Variants in WDR59 observed in about 807,000 individuals in gnomAD.
WDR59 encodes WD repeat domain 59, also known as GATOR2 complex protein WDR59.
Under a neutral mutation model 131.2 loss-of-function variants are expected in WDR59, and 100 were observed. That is an observed-to-expected ratio of 0.76 (90% CI 0.65 to 0.90). The LOEUF (loss-of-function observed/expected upper bound fraction) is 0.90. Ranked by LOEUF, WDR59 falls within the 40% of genes least tolerant of loss-of-function variation. The pLI is 0.00. For missense variants in WDR59, 1,203 were observed against 1,262.2 expected (o/e 0.95, Z 0.71); for synonymous variants, 601 against 466.2 (o/e 1.29, Z -3.72).
chr16:74,976,082 C>A (rs1161071820), intron 1 of WDR59, among the ~76,000 whole-genome samples: 1 of 152,150 alleles, frequency 6.6e-6, no homozygotes, highest in African/African-American at 2.4e-5. Context: ...TCCTATTCTG[C>A]CCCTCCATCT....
At chr16:74,946,250 CAT>C (rs1034974580) in intron 6 of WDR59, among the ~76,000 whole-genome samples, 21 of 152,108 alleles carry the variant, frequency 1.4e-4, no homozygotes, top group African/African-American at 4.3e-4. Context: ...AGAAAAGAAA[CAT>C]AGTATATTTG....
intron 1 of WDR59, among the ~76,000 whole-genome samples, chr16:74,982,917 G>T (rs531027484): frequency 1.3e-5 from 2 of 152,320 alleles, no homozygotes; most frequent in South Asian, 2.1e-4. Flanking sequence ...TACTTATCCA[G>T]ATCTCCCTCA....
In WDR59 at chr16:74,896,819, G is replaced by C. The variant is rs563791310; in HGVS notation, c.1867-3007C>G. On this transcript the variant is annotated intron_variant, in intron 18 of 25. Coordinates refer to ENST00000262144, the MANE Select transcript of WDR59 (RefSeq NM_030581.4). ...CTGAGGACTTACAGTATCAGCTCCTGCTCCTGGATTGCTCATTCTGTGCTA... is the reference window on the plus strand; with the variant it reads ...CTGAGGACTTACAGTATCAGCTCCTCCTCCTGGATTGCTCATTCTGTGCTA... Among the ~76,000 whole-genome samples, 3 of 152,206 alleles carry C rather than the reference G, an allele frequency of 2.0e-5. No individual in the cohort carries two copies. In the South Asian group the frequency reaches 6.2e-4, roughly 32 times the overall value.
intron 1 of WDR59, among the ~76,000 whole-genome samples, chr16:74,977,708 T>A (rs1324078044): frequency 6.6e-6 from 1 of 151,912 alleles, no homozygotes; most frequent in East Asian, 1.9e-4. Context: ...AATAAATAAA[T>A]CAATAAATAA....
intron 8 of WDR59, among the ~76,000 whole-genome samples, chr16:74,930,378 A>C (rs377052324): frequency 3.3e-4 from 50 of 152,274 alleles, no homozygotes; most frequent in East Asian, 2.7e-3. Context: ...AAAACGAAAA[A>C]CAGAACAAAA....
intron 1 of WDR59, among the ~76,000 whole-genome samples, chr16:74,981,675 A>G (rs199500384): frequency 1.3e-4 from 6 of 44,894 alleles, no homozygotes; most frequent in Admixed American, 5.9e-4. Context: ...TTTTTTTTTT[A>G]GATGGAGTCT....
At chr16:74,902,531 AC>A (rs932126144) in intron 18 of WDR59, among the ~76,000 whole-genome samples, 62 of 152,006 alleles carry the variant, frequency 4.1e-4, no homozygotes, top group African/African-American at 1.5e-3. Context: ...GGCTTTACAC[AC>A]CCCCACAAAG....
chr16:74,875,985 C>T (rs747212905), intron 25 of WDR59, among the ~76,000 whole-genome samples: 59 of 152,260 alleles, frequency 3.9e-4, no homozygotes, highest in Non-Finnish European at 7.2e-4. Context: ...ACTCTTCCCT[C>T]ATGCCTTTTC....
In WDR59 at chr16:74,874,376, A is replaced by T. The variant is rs771758499; in HGVS notation, c.2758T>A (p.Phe920Ile). The T allele has an allele frequency of 2.5e-6, 4 of 1,614,122 alleles. No individual in the cohort carries two copies. Among genetic ancestry groups the T allele is most frequent in the Non-Finnish European group, 2.5e-6 (3 of 1,180,028 alleles). Residue 920 changes from phenylalanine (F) to isoleucine (I), a missense_variant, in exon 26 of 26, where the codon TTC (phenylalanine) becomes ATC (isoleucine). Phe to Ile is a conservative substitution (Grantham distance 21). Coordinates refer to ENST00000262144, the MANE Select transcript of WDR59 (RefSeq NM_030581.4). The part of the protein sequence containing the change: ...RGTQCAICKG[F>I]TFQCAICHVA... ...TGACAGATGGCACACTGGAACGTGAAGCCTTTGCAGATGGCACACTGCGTG... is the reference window on the plus strand; with the variant it reads ...TGACAGATGGCACACTGGAACGTGATGCCTTTGCAGATGGCACACTGCGTG...
chr16:74,919,984 C>T (rs368511177), intron 10 of WDR59, among the ~76,000 whole-genome samples: 216 of 151,782 alleles, frequency 1.4e-3, no homozygotes, highest in African/African-American at 4.9e-3. Flanking sequence ...GGTGGAAGCA[C>T]TGCTCGAGCC....
At chr16:74,897,854 C>T (rs925818718) in intron 18 of WDR59, among the ~76,000 whole-genome samples, 1 of 152,046 alleles carries the variant, frequency 6.6e-6, no homozygotes, top group Admixed American at 6.6e-5. Flanking sequence ...ACATAAATAT[C>T]TCCCCTTCAG....
At chr16:74,902,047 T>C (rs529324641) in intron 18 of WDR59, among the ~76,000 whole-genome samples, 1 of 152,330 alleles carries the variant, frequency 6.6e-6, no homozygotes, top group East Asian at 1.9e-4. Flanking sequence ...TTTCGTATGA[T>C]TTAAGCCAAT....
chr16:74,944,336 T>G (rs2032447368), intron 6 of WDR59, among the ~76,000 whole-genome samples: 1 of 151,644 alleles, frequency 6.6e-6, no homozygotes, highest in Non-Finnish European at 1.5e-5. Flanking sequence ...TGTGGTGGCG[T>G]GCACCTGTAA....
At chr16:74,932,258 AT>A (rs1050354948) in intron 8 of WDR59, among the ~76,000 whole-genome samples, 16 of 150,486 alleles carry the variant, frequency 1.1e-4, no homozygotes, top group Non-Finnish European at 2.1e-4. Context: ...CAGCCCAGCT[AT>A]TTTTTTATTT....
At chr16:74,944,333 G>T (rs532618399) in intron 6 of WDR59, among the ~76,000 whole-genome samples, 9 of 152,118 alleles carry the variant, frequency 5.9e-5, no homozygotes, top group African/African-American at 2.2e-4. Flanking sequence ...AGGTGTGGTG[G>T]CGTGCACCTG....
chr16:74,916,174 G>T lies in WDR59; in HGVS notation c.1052C>A (p.Thr351Asn), dbSNP rs201589102. The T allele has an allele frequency of 4.3e-6, 7 of 1,614,036 alleles. No homozygotes were observed. The highest frequency in any genetic ancestry group is 5.1e-6 in the Non-Finnish European group (6 of 1,180,022). The change falls in exon 12 of 26, where the codon ACT (threonine) becomes AAT (asparagine). Residue 351 changes from threonine (T) to asparagine (N), a missense_variant. Thr to Asn is a moderately conservative substitution (Grantham distance 65). Transcript: ENST00000262144. ...AGTGTGCTGGTGATCTGTATCTTCA[G>T]TGTGCAGGGTCTTCTCAGGTTCCGG... ...LLPEPEKTLH[T>N]EDTDHQHTAS...
At chr16:74,906,320 A>C (rs7501116) in intron 17 of WDR59, among the ~76,000 whole-genome samples, 1 of 136,280 alleles carries the variant, frequency 7.3e-6, no homozygotes, top group Admixed American at 8.0e-5. Flanking sequence ...TCTCAAAAAA[A>C]AAAAAACCCA....
At chr16:74,903,489 T>C (rs1597675340) in intron 18 of WDR59, among the ~76,000 whole-genome samples, 1 of 91,956 alleles carries the variant, frequency 1.1e-5, no homozygotes, top group East Asian at 3.5e-4. Flanking sequence ...GTAGACTTAG[T>C]ATAAAAAAAA....
chr16:74,896,117 T>C (rs1418736362), intron 18 of WDR59, among the ~76,000 whole-genome samples: 1 of 152,094 alleles, frequency 6.6e-6, no homozygotes, highest in Non-Finnish European at 1.5e-5. Context: ...GCCAGAAAGA[T>C]TCCACCTAGA....
Sources: gnomAD v4.1 joint callset for allele counts (sites outside exome capture counted in the v4.1 genomes callset) on GRCh38, gnomAD v4.1.1 for gene constraint, MANE v1.5 for transcripts, NCBI Gene and HGNC (gene_info 2026-07-23, HGNC 2026-07-21) for gene names.